ITGA11: variants seen among roughly 807,000 people sequenced by gnomAD.
ITGA11 encodes the protein integrin alpha-11.
Under a neutral mutation model 141.9 loss-of-function variants are expected in ITGA11, and 97 were observed. The observed-to-expected ratio is 0.68, with a 90% CI of 0.58 to 0.81. The LOEUF (loss-of-function observed/expected upper bound fraction) is 0.81. ITGA11 is among the 30% of genes least tolerant of loss of function. The probability of loss-of-function intolerance (pLI) is 0.00; values close to 1 mark genes in which losing one functional copy is unlikely to be tolerated. For missense variants in ITGA11, 1,387 were observed against 1,559.2 expected (o/e 0.89, Z 1.86); for synonymous variants, 658 against 624.6 (o/e 1.05, Z -0.80).
intron 2 of ITGA11, among the ~76,000 whole-genome samples, chr15:68,379,127 C>A (rs1044066197): frequency 1.1e-4 from 17 of 152,324 alleles, no homozygotes; most frequent in African/African-American, 4.1e-4. Flanking sequence ...CACCCCAGTG[C>A]CAGTCACACG....
At chr15:68,336,064 A>T in intron 11 of ITGA11, 1 of 594,540 alleles carries the variant, frequency 1.7e-6, no homozygotes, top group Non-Finnish European at 3.0e-6. Context: ...GGTAGGGAGA[A>T]CTCACTGCAC....
chr15:68,310,929 C>T (rs923292661), intron 26 of ITGA11, 65 bp downstream of exon 26: 27 of 1,279,118 alleles, frequency 2.1e-5, no homozygotes, highest in South Asian at 2.6e-5. Context: ...GGAAATGGCC[C>T]GCAGAGCACC....
chr15:68,339,411 C>T (rs1894485202), intron 11 of ITGA11, 89 bp downstream of exon 11: 2 of 1,436,778 alleles, frequency 1.4e-6, no homozygotes, highest in Non-Finnish European at 1.9e-6. Flanking sequence ...CAGCAGGCCC[C>T]TCACTCGTGT....
At chr15:68,330,075 C>T (rs958584283) in intron 15 of ITGA11, among the ~76,000 whole-genome samples, 1 of 152,240 alleles carries the variant, frequency 6.6e-6, no homozygotes, top group Non-Finnish European at 1.5e-5. Flanking sequence ...CGCTCGGCAT[C>T]GGTGCTCTCT....
chr15:68,385,585 T>C (rs542428368), intron 2 of ITGA11, among the ~76,000 whole-genome samples: 12 of 152,366 alleles, frequency 7.9e-5, no homozygotes, highest in Admixed American at 6.5e-4. Context: ...AAAGGATGGA[T>C]GCCTTAGCCC....
At chr15:68,379,503 T>C (rs1394489407) in intron 2 of ITGA11, among the ~76,000 whole-genome samples, 1 of 152,246 alleles carries the variant, frequency 6.6e-6, no homozygotes, top group Non-Finnish European at 1.5e-5. Flanking sequence ...TAGAGGAAGC[T>C]GCTCATTTTG....
At position 68,414,955 on chromosome 15, in the gene ITGA11, G is replaced by A. The variant is rs114083926; in HGVS notation, c.53-11926C>T. ...GTTCTTACCACCCTGATACCCTCCTGTGCTCTAGAGAAAACTTAACCAAAC... is the reference window on the plus strand; with the variant it reads ...GTTCTTACCACCCTGATACCCTCCTATGCTCTAGAGAAAACTTAACCAAAC... On this transcript the variant is annotated intron_variant, in intron 1 of 29. Transcript: ENST00000315757. Among the ~76,000 whole-genome samples, 836 of 152,312 alleles carry A rather than the reference G, an allele frequency of 5.5e-3. 8 individuals are homozygous for A. The highest frequency in any genetic ancestry group is 0.019 in the African/African-American group (792 of 41,572).
intron 21 of ITGA11, among the ~76,000 whole-genome samples, chr15:68,317,034 G>A (rs1166286070): frequency 1.3e-5 from 2 of 152,218 alleles, no homozygotes; most frequent in African/African-American, 4.8e-5. Flanking sequence ...GGCTGGGAGT[G>A]GTAGGAATTC....
intron 1 of ITGA11, among the ~76,000 whole-genome samples, chr15:68,412,046 C>A (rs761545053): frequency 2.7e-4 from 41 of 152,246 alleles, no homozygotes; most frequent in Non-Finnish European, 3.5e-4. Context: ...CACTCCCCCA[C>A]CCTCAGCTGA....
At chr15:68,313,709 C>T (rs1219397343) in intron 23 of ITGA11, 70 bp downstream of exon 23, 2 of 1,204,542 alleles carry the variant, frequency 1.7e-6, no homozygotes, top group African/African-American at 1.5e-5. Context: ...CAGAGGATGC[C>T]CCCCCTTAGG....
rs72741171 is a variant in ITGA11 at position 68,321,921 on chromosome 15, G to A, written c.2323-418C>T. Among the ~76,000 whole-genome samples, 26,561 of 152,176 alleles carry A rather than the reference G, an allele frequency of 0.17. 2,439 individuals are homozygous for A. Among genetic ancestry groups the A allele is most frequent in the Middle Eastern group, 0.24 (70 of 294 alleles). On this transcript the variant is annotated intron_variant, in intron 18 of 29. Transcript: ENST00000315757. This position sits in a 1 kb window ranked among gnomAD's most constrained non-coding sequence, Gnocchi z 4.9. ...CTAGTGTAAAATGTGCAAAAAAACC[G>A]AAAAGAAATGTGCATGAGGAATAGA...
chr15:68,416,760 C>T (rs1015658650), intron 1 of ITGA11, among the ~76,000 whole-genome samples: 1 of 151,954 alleles, frequency 6.6e-6, no homozygotes, highest in Non-Finnish European at 1.5e-5. Context: ...TACTAAAATA[C>T]AAAAAATTAG....
At position 68,365,169 on chromosome 15, in the gene ITGA11, T is replaced by C. The variant is rs572531446; in HGVS notation, c.266-371A>G. ...ACCTGGGCTGGCTTCCTTTGTGCAG[T>C]ATCCCCGCTACGCTTTCTTCCAAGT... On this transcript the variant is annotated intron_variant, in intron 3 of 29. Coordinates refer to ENST00000315757, the MANE Select transcript of ITGA11 (RefSeq NM_001004439.2). 5.1e-6 allele frequency: 5 copies of C among 985,384 alleles called. No homozygotes were observed. The South Asian group carries it at 2.3e-4, about 46-fold the overall frequency. The allele number at this position is 985,384 out of a possible 1,614,324, so 61.0% of individuals were successfully genotyped here. A position where few individuals can be genotyped will look rare whatever the true frequency, so the allele number is the denominator to read the frequency against.
Position 68,308,845 on chromosome 15 carries a change from G to A in ITGA11, c.3175-1149C>T, listed in dbSNP as rs1893286400. On this transcript the variant is annotated intron_variant, in intron 26 of 29. Transcript: ENST00000315757. The surrounding 1 kb of genome is among the most constrained non-coding windows in gnomAD (Gnocchi z 5.2). ...GCAGATCATTCATATCAATTTGTGA[G>A]GAAAAAAAAAATCTTGTTCAGGCCC... 6.6e-6 allele frequency among the ~76,000 whole-genome samples: 1 copy of A among 151,830 alleles called. No homozygotes were observed. Among genetic ancestry groups the A allele is most frequent in the South Asian group, 2.1e-4 (1 of 4,822 alleles).
intron 3 of ITGA11, chr15:68,365,038 G>T: frequency 1.5e-6 from 1 of 665,294 alleles, no homozygotes; most frequent in Non-Finnish European, 1.9e-6. Flanking sequence ...GTCACACAGT[G>T]AGCACTCACC....
At position 68,321,903 on chromosome 15, in the gene ITGA11, A is replaced by G. The variant is rs765072523; in HGVS notation, c.2323-400T>C. Among the ~76,000 whole-genome samples, 13 of 152,252 alleles carry G rather than the reference A, an allele frequency of 8.5e-5. No homozygotes were observed. Among genetic ancestry groups the G allele is most frequent in the Non-Finnish European group, 1.6e-4 (11 of 68,042 alleles). ...TGGTGTATGAACAAATCACTAGTGT[A>G]AAATGTGCAAAAAAACCGAAAAGAA... is the stretch of plus-strand genomic sequence containing the variant. On this transcript the variant is annotated intron_variant, in intron 18 of 29. Transcript: ENST00000315757. The surrounding 1 kb of genome is among the most constrained non-coding windows in gnomAD (Gnocchi z 4.9).
chr15:68,413,351 C>G (rs1896820200), intron 1 of ITGA11, among the ~76,000 whole-genome samples: 1 of 152,164 alleles, frequency 6.6e-6, no homozygotes, highest in African/African-American at 2.4e-5. Context: ...TGTGTTAGTC[C>G]CCTCTATGGC....
chr15:68,413,931 C>T (rs1319600429), intron 1 of ITGA11, among the ~76,000 whole-genome samples: 1 of 152,184 alleles, frequency 6.6e-6, no homozygotes, highest in Non-Finnish European at 1.5e-5. Context: ...CACCATCAAA[C>T]GTTTGGCATT....
Position 68,328,070 on chromosome 15 carries a change from G to T in ITGA11, c.2068+26C>A. The T allele has an allele frequency of 6.2e-7, 1 of 1,601,992 alleles. No individual in the cohort carries two copies. The highest frequency in any genetic ancestry group is 1.1e-5 in the South Asian group (1 of 89,042). On this transcript the variant is annotated intron_variant, in intron 16 of 29. Coordinates refer to ENST00000315757, the MANE Select transcript of ITGA11 (RefSeq NM_001004439.2). The surrounding 1 kb of genome is among the most constrained non-coding windows in gnomAD (Gnocchi z 4.8). ...CAGGGGGAGACTGGAGTCTGGGGGT[G>T]GGGAGAAAGGAGGGGCCTGCTTTAC... is the stretch of plus-strand genomic sequence containing the variant.
Sources: gnomAD v4.1 joint callset for allele counts (sites outside exome capture counted in the v4.1 genomes callset) on GRCh38, gnomAD v4.1.1 for gene constraint, Gnocchi (gnomAD v3.1) non-coding constraint, MANE v1.5 for transcripts, NCBI Gene and HGNC (gene_info 2026-07-23, HGNC 2026-07-21) for gene names.